SLC17A1: variants seen among roughly 807,000 people sequenced by gnomAD.
SLC17A1 encodes the protein solute carrier family 17 member 1.
A neutral mutation model predicts 53.5 loss-of-function variants in SLC17A1; 51 were observed. The observed-to-expected ratio is 0.95, with a 90% confidence interval of 0.76 to 1.20. The LOEUF (loss-of-function observed/expected upper bound fraction) is 1.20. SLC17A1 is among the 50% of genes most tolerant of loss of function. The probability of loss-of-function intolerance (pLI) is 0.00; values close to 1 mark genes in which losing one functional copy is unlikely to be tolerated. For synonymous variants in SLC17A1, 179 were observed against 198.8 expected (o/e 0.90, Z 0.84); for missense variants, 538 against 568.2 (o/e 0.95, Z 0.54).
chr6:25,741,913 T>C, the SLC17A1 span, among the ~76,000 whole-genome samples: 8 of 152,016 alleles, frequency 5.3e-5, no homozygotes, highest in Non-Finnish European at 7.4e-5. Flanking sequence ...TATCACATTG[T>C]TGAAGTATAT....
downstream of SLC17A1, among the ~76,000 whole-genome samples, chr6:25,778,834 A>T (rs570681843): frequency 1.3e-5 from 2 of 152,318 alleles, no homozygotes; most frequent in South Asian, 4.1e-4. Context: ...GATGTGAGAC[A>T]AATAGGTATC....
chr6:25,726,345 T>G, the SLC17A1 span: 2 of 1,614,056 alleles, frequency 1.2e-6, no homozygotes, highest in African/African-American at 1.3e-5. Flanking sequence ...CAAGGATTTC[T>G]GCTGTGAGAT....
At chr6:25,788,312 A>G (rs909360535) in intron 12 of SLC17A1, among the ~76,000 whole-genome samples, 3 of 152,236 alleles carry the variant, frequency 2.0e-5, no homozygotes, top group African/African-American at 7.2e-5. Context: ...AAAAAATGTT[A>G]CTAACATCAT....
At chr6:25,817,265 C>G (rs1179170338) in intron 6 of SLC17A1, among the ~76,000 whole-genome samples, 2 of 152,206 alleles carry the variant, frequency 1.3e-5, no homozygotes, top group Non-Finnish European at 2.9e-5. Context: ...AAAACAGTAT[C>G]TATTCAGATT....
the SLC17A1 span, among the ~76,000 whole-genome samples, chr6:25,727,908 T>G: frequency 7.2e-5 from 11 of 151,878 alleles, no homozygotes; most frequent in Non-Finnish European, 5.9e-5. Flanking sequence ...TCCCAGCTAA[T>G]TGGGAGGCTG....
the SLC17A1 span, among the ~76,000 whole-genome samples, chr6:25,751,599 C>A: frequency 1.3e-5 from 2 of 152,146 alleles, no homozygotes; most frequent in African/African-American, 4.8e-5. Context: ...AACTGGGCCC[C>A]TAAGTGAGGA....
intron 12 of SLC17A1, among the ~76,000 whole-genome samples, chr6:25,783,649 C>G (rs761470217): frequency 1.3e-5 from 2 of 152,170 alleles, no homozygotes; most frequent in Non-Finnish European, 2.9e-5. Flanking sequence ...GATACTGCCA[C>G]TCTCCCTAAT....
chr6:25,765,122 TGTAGGG>T, the SLC17A1 span, among the ~76,000 whole-genome samples: 1 of 152,224 alleles, frequency 6.6e-6, no homozygotes, highest in Admixed American at 6.5e-5. Context: ...GGTCCAAGGC[TGTAGGG>T]GTGGACTACA....
At chr6:25,785,408 C>T (rs1158902512) in intron 12 of SLC17A1, among the ~76,000 whole-genome samples, 3 of 152,048 alleles carry the variant, frequency 2.0e-5, no homozygotes, top group African/African-American at 7.2e-5. Flanking sequence ...TTTGACTTGG[C>T]ATTGATTACT....
At chr6:25,740,502 C>T in the SLC17A1 span, among the ~76,000 whole-genome samples, 10 of 151,720 alleles carry the variant, frequency 6.6e-5, no homozygotes, top group South Asian at 2.1e-4. Flanking sequence ...AATAAATAAC[C>T]GTAGGGGTGG....
At chr6:25,828,349 C>T (rs1390968064) in intron 2 of SLC17A1, among the ~76,000 whole-genome samples, 1 of 151,922 alleles carries the variant, frequency 6.6e-6, no homozygotes, top group East Asian at 1.9e-4. Flanking sequence ...AGCTTGGGTG[C>T]CATCTTGGAA....
At chr6:25,737,627 A>G in the SLC17A1 span, among the ~76,000 whole-genome samples, 34 of 152,280 alleles carry the variant, frequency 2.2e-4, no homozygotes, top group African/African-American at 7.7e-4. Context: ...AACTGCTATT[A>G]CAACCAGTAA....
At chr6:25,777,815 C>G in the SLC17A1 span, 1 of 816,374 alleles carries the variant, frequency 1.2e-6, no homozygotes, top group Non-Finnish European at 2.0e-6. Flanking sequence ...AGCAGACCAG[C>G]TGATATTAAC....
intron 1 of SLC17A1, 63 bp from the exon 2 acceptor site, chr6:25,830,670 C>G (rs1345542036): frequency 9.5e-6 from 10 of 1,047,160 alleles, no homozygotes; most frequent in Admixed American, 3.6e-5. Flanking sequence ...AAACACTACC[C>G]AGTACTCCTC....
downstream of SLC17A1, among the ~76,000 whole-genome samples, chr6:25,778,200 A>G (rs1006640803): frequency 6.6e-6 from 1 of 152,096 alleles, no homozygotes; most frequent in African/African-American, 2.4e-5. Flanking sequence ...TCTTACTGGT[A>G]TAAACTTTAC....
the SLC17A1 span, chr6:25,776,457 T>C: frequency 1.9e-6 from 2 of 1,031,522 alleles, no homozygotes; most frequent in Admixed American, 2.4e-5. Flanking sequence ...ATTGGCTCAT[T>C]ATAGTAACAT....
chr6:25,770,673 A>G, the SLC17A1 span, among the ~76,000 whole-genome samples: 5 of 152,366 alleles, frequency 3.3e-5, no homozygotes, highest in African/African-American at 7.2e-5. Context: ...TGTTTTGCAC[A>G]TATTTTCATC....
At chr6:25,725,018 AT>A in the SLC17A1 span, among the ~76,000 whole-genome samples, 6 of 142,058 alleles carry the variant, frequency 4.2e-5, no homozygotes, top group African/African-American at 7.8e-5. Context: ...TAACCAAATG[AT>A]TTTTTTTTTT....
chr6:25,777,879 A>G, the SLC17A1 span: 1 of 1,511,434 alleles, frequency 6.6e-7, no homozygotes, highest in African/African-American at 1.4e-5. Context: ...GAGACTTTCA[A>G]ACGTAGGTAT....
Sources: gnomAD v4.1 joint callset for allele counts (sites outside exome capture counted in the v4.1 genomes callset) on GRCh38, gnomAD v4.1.1 for gene constraint, MANE v1.5 for transcripts, NCBI Gene and HGNC (gene_info 2026-07-23, HGNC 2026-07-21) for gene names.